The following CAST variants were observed in gnomAD, a reference collection of about 807,000 sequenced individuals.
CAST encodes MIR583 host.
A neutral mutation model predicts 119.6 loss-of-function variants in CAST; 76 were observed. The ratio of observed to expected loss-of-function variants is 0.64; its 90% CI spans 0.53 to 0.77. The LOEUF (loss-of-function observed/expected upper bound fraction) is 0.77. CAST is among the 30% of genes least tolerant of loss of function. The pLI is 0.00. For missense variants in CAST, 953 were observed against 946.5 expected, an observed-to-expected ratio of 1.01 and a Z score of -0.09; for synonymous variants, 319 against 331.6, an observed-to-expected ratio of 0.96 and a Z score of 0.41.
At chr5:96,772,521 A>G (rs879338750) in intron 31 of CAST, 119 bp from the exon 32 acceptor site, 2 of 152,752 alleles carry the variant, frequency 1.3e-5, no homozygotes, top group African/African-American at 2.4e-5. Context: ...ATGTTTACTT[A>G]TAGGAAATTC....
At chr5:96,731,803 T>C (rs173455) in intron 9 of CAST, among the ~76,000 whole-genome samples, 32,604 of 150,646 alleles carry the variant, frequency 0.22, 3,619 homozygotes, top group East Asian at 0.35. Flanking sequence ...ATTTCCAATT[T>C]CATCCATGTC....
chr5:96,226,924 T>A, the CAST span, among the ~76,000 whole-genome samples: 1 of 152,232 alleles, frequency 6.6e-6, no homozygotes, highest in Non-Finnish European at 1.5e-5. Context: ...GCATGGTAGT[T>A]TTTAACACAC....
At chr5:95,962,020 G>T in the CAST span, 1 of 408,974 alleles carries the variant, frequency 2.4e-6, no homozygotes, top group Admixed American at 4.4e-5. Context: ...TTGCTCCTGG[G>T]ACGGGACGTC....
chr5:96,626,477 C>T (rs1246739748), intron 1 of CAST, among the ~76,000 whole-genome samples: 2 of 152,216 alleles, frequency 1.3e-5, no homozygotes, highest in African/African-American at 4.8e-5. Context: ...CTCCCTCTTC[C>T]TCACTTGGGC....
At chr5:96,012,833 T>G in the CAST span, among the ~76,000 whole-genome samples, 1 of 152,212 alleles carries the variant, frequency 6.6e-6, no homozygotes, top group African/African-American at 2.4e-5. Context: ...GTGCCATTTT[T>G]TTAGCATAGG....
At chr5:96,211,467 T>G in the CAST span, among the ~76,000 whole-genome samples, 24 of 152,068 alleles carry the variant, frequency 1.6e-4, no homozygotes, top group Non-Finnish European at 3.1e-4. Flanking sequence ...TGAACTAACC[T>G]TACATCCCTG....
At chr5:96,700,053 C>T (rs1273597981) in intron 3 of CAST, among the ~76,000 whole-genome samples, 1 of 152,166 alleles carries the variant, frequency 6.6e-6, no homozygotes, top group South Asian at 2.1e-4. Flanking sequence ...ACACAGCTCT[C>T]TTCCCAGGTT....
chr5:96,706,909 CA>C (rs1241676377), intron 3 of CAST, among the ~76,000 whole-genome samples: 1 of 152,180 alleles, frequency 6.6e-6, no homozygotes, highest in African/African-American at 2.4e-5. Context: ...GGGCTCTACG[CA>C]GTTTAACTGG....
chr5:96,757,646 T>A lies in CAST; in HGVS notation c.1825T>A (p.Ser609Thr). The change falls in exon 24 of 32, where the codon TCA (serine) becomes ACA (threonine). Residue 609 changes from serine to threonine, a missense_variant. Coordinates refer to ENST00000675179, the MANE Select transcript of CAST (RefSeq NM_001750.7). ...SEDFSGPQNA[S>T]SLKFEDAKLA... ...GGACTTCTCTGGTCCACAAAATGCT[T>A]CATCTCTTGTAAGTCCAAAACTCTT... 1.2e-6 allele frequency: 2 copies of A among 1,607,932 alleles called. No individual in the cohort carries two copies. The highest frequency in any genetic ancestry group is 8.5e-7 in the Non-Finnish European group (1 of 1,174,450).
At chr5:96,425,058 AAGAAAGAAAG>A in the CAST span, among the ~76,000 whole-genome samples, 3 of 131,832 alleles carry the variant, frequency 2.3e-5, no homozygotes, top group Non-Finnish European at 5.1e-5. Flanking sequence ...GAAAGAAAGA[AAGAAAGAAAG>A]AAAGAAAACG....
chr5:96,105,242 G>A, the CAST span, among the ~76,000 whole-genome samples: 8 of 152,076 alleles, frequency 5.3e-5, no homozygotes, highest in East Asian at 1.9e-4. Context: ...TCTCCTGCCT[G>A]ATTGCCCTGA....
At chr5:96,493,521 T>A in the CAST span, among the ~76,000 whole-genome samples, 1 of 152,126 alleles carries the variant, frequency 6.6e-6, no homozygotes, top group Non-Finnish European at 1.5e-5. Flanking sequence ...TGTAGCTCAG[T>A]CCCTTGGAAA....
intron 1 of CAST, among the ~76,000 whole-genome samples, chr5:96,588,495 C>T (rs919775198): frequency 1.1e-4 from 17 of 152,052 alleles, no homozygotes; most frequent in East Asian, 1.9e-4. Flanking sequence ...CTACGGTACC[C>T]GGCTTAAATT....
chr5:96,642,355 C>T (rs1009377568), intron 1 of CAST, among the ~76,000 whole-genome samples: 6 of 152,090 alleles, frequency 3.9e-5, no homozygotes, highest in African/African-American at 1.4e-4. Context: ...TTGGGTCTTT[C>T]CAGGCTAAAC....
intron 1 of CAST, among the ~76,000 whole-genome samples, chr5:96,606,349 T>C (rs753631248): frequency 1.3e-5 from 2 of 152,338 alleles, no homozygotes; most frequent in Non-Finnish European, 2.9e-5. Context: ...ATTTAATTTC[T>C]CTGAGTGTCA....
At chr5:96,618,850 C>T (rs1747529501) in intron 1 of CAST, among the ~76,000 whole-genome samples, 1 of 152,270 alleles carries the variant, frequency 6.6e-6, no homozygotes, top group Non-Finnish European at 1.5e-5. Flanking sequence ...GCCCCCTGCT[C>T]TGAGCGCAGG....
chr5:96,444,453 T>C, the CAST span, among the ~76,000 whole-genome samples: 1 of 152,262 alleles, frequency 6.6e-6, no homozygotes, highest in Non-Finnish European at 1.5e-5. Context: ...TACAATCTGC[T>C]GGTTTCTGTA....
chr5:96,140,527 C>T, the CAST span, among the ~76,000 whole-genome samples: 6 of 152,172 alleles, frequency 3.9e-5, no homozygotes, highest in African/African-American at 7.2e-5. Context: ...GCTGAAAGCA[C>T]GGTTTTTAGA....
At chr5:96,300,834 A>ATTTTTTTTTT in the CAST span, among the ~76,000 whole-genome samples, 1 of 52,444 alleles carries the variant, frequency 1.9e-5, no homozygotes, top group Non-Finnish European at 3.8e-5. Flanking sequence ...ATTCCTAAGC[A>ATTTTTTTTTT]TTTTTTTTTT....
Sources: gnomAD v4.1 joint callset for allele counts (sites outside exome capture counted in the v4.1 genomes callset) on GRCh38, gnomAD v4.1.1 for gene constraint, MANE v1.5 for transcripts, NCBI Gene and HGNC (gene_info 2026-07-23, HGNC 2026-07-21) for gene names.